The following RASA2 variants were observed in gnomAD, a reference collection of about 807,000 sequenced individuals.
RASA2 encodes the protein ras GTPase-activating protein 2.
In RASA2, 155 loss-of-function variants were observed where a neutral mutation model predicts 118.2. The ratio of observed to expected loss-of-function variants is 1.31; its 90% CI spans 1.15 to 1.50. The LOEUF (loss-of-function observed/expected upper bound fraction) is 1.50. Among genes scored for constraint, RASA2 ranks in the 40% most tolerant of loss-of-function variants. RASA2 has a pLI of 0.00. For missense variants in RASA2, 1,016 were observed against 1,009.6 expected, an observed-to-expected ratio of 1.01 and a Z score of -0.09; for synonymous variants, 353 against 349.1, an observed-to-expected ratio of 1.01 and a Z score of -0.12.
At chr3:141,522,211 GC>G (rs1426491450) in intron 3 of RASA2, among the ~76,000 whole-genome samples, 1 of 152,026 alleles carries the variant, frequency 6.6e-6, no homozygotes, top group Non-Finnish European at 1.5e-5. Context: ...CACAGATTGT[GC>G]TGTTTTTCAG....
chr3:141,544,513 C>G (rs984338897), intron 5 of RASA2, among the ~76,000 whole-genome samples: 9 of 152,108 alleles, frequency 5.9e-5, no homozygotes, highest in Admixed American at 5.2e-4. Flanking sequence ...TTCAAGTTCA[C>G]TGATTCTTTC....
At chr3:141,582,356 G>A (rs752567470) in intron 17 of RASA2, among the ~76,000 whole-genome samples, 2 of 152,130 alleles carry the variant, frequency 1.3e-5, no homozygotes, top group African/African-American at 2.4e-5. Flanking sequence ...CAAAAGAATA[G>A]GCAAAGAAAA....
At chr3:141,497,713 A>C (rs917374264) in intron 1 of RASA2, among the ~76,000 whole-genome samples, 1 of 151,948 alleles carries the variant, frequency 6.6e-6, no homozygotes, top group Non-Finnish European at 1.5e-5. Context: ...GAAAAAAAAA[A>C]AAAAATGCCA....
Position 141,510,797 on chromosome 3 carries a change from G to C in RASA2, c.134-1366G>C, listed in dbSNP as rs140034470. Among the ~76,000 whole-genome samples, 81 of 152,326 alleles carry C rather than the reference G, an allele frequency of 5.3e-4. No individual in the cohort carries two copies. In the East Asian group the frequency reaches 0.015, roughly 28 times the overall value. On this transcript the variant is annotated intron_variant, in intron 1 of 23. Coordinates refer to ENST00000286364, the MANE Select transcript of RASA2 (RefSeq NM_006506.5). Reference sequence around the variant, plus strand: ...AACACTGACCGGGGTTGGGGGAATGGAAGGAGAAGAGATCAGAGAGACCAT... The same window carrying C: ...AACACTGACCGGGGTTGGGGGAATGCAAGGAGAAGAGATCAGAGAGACCAT...
chr3:141,497,410 CTATT>C (rs2081719046), intron 1 of RASA2, among the ~76,000 whole-genome samples: 1 of 151,664 alleles, frequency 6.6e-6, no homozygotes, highest in East Asian at 1.9e-4. Context: ...TCAAAAGTAA[CTATT>C]TATATAAATG....
At chr3:141,558,690 A>G (rs896418357) in intron 7 of RASA2, among the ~76,000 whole-genome samples, 196 bp from the exon 8 acceptor site, 4 of 150,176 alleles carry the variant, frequency 2.7e-5, no homozygotes, top group Non-Finnish European at 5.9e-5. Flanking sequence ...TATTATTTTG[A>G]TTTTTTTTTT....
At chr3:141,539,170 C>G (rs2151101244) in intron 4 of RASA2, among the ~76,000 whole-genome samples, 1 of 152,242 alleles carries the variant, frequency 6.6e-6, no homozygotes, top group Non-Finnish European at 1.5e-5. Context: ...CAAGATCACC[C>G]TTGAATAGTA....
intron 2 of RASA2, 140 bp downstream of exon 2, chr3:141,512,420 A>G (rs958783284): frequency 6.5e-6 from 4 of 613,424 alleles, no homozygotes; most frequent in African/African-American, 4.0e-5. Context: ...CTCAAAATGT[A>G]TCTTCCTCTT....
chr3:141,579,897 A>G (rs981210706), intron 15 of RASA2, among the ~76,000 whole-genome samples: 8 of 151,292 alleles, frequency 5.3e-5, no homozygotes, highest in Non-Finnish European at 1.2e-4. Flanking sequence ...TTCTACTGAA[A>G]ATACAAAAAT....
At chr3:141,557,697 C>T (rs993397268) in intron 7 of RASA2, among the ~76,000 whole-genome samples, 1 of 151,734 alleles carries the variant, frequency 6.6e-6, no homozygotes, top group Non-Finnish European at 1.5e-5. Flanking sequence ...GACTGTTGTA[C>T]TTTAGGTGTA....
intron 19 of RASA2, among the ~76,000 whole-genome samples, chr3:141,605,952 G>A (rs1470685736): frequency 6.6e-6 from 1 of 152,078 alleles, no homozygotes; most frequent in African/African-American, 2.4e-5. Flanking sequence ...CTGTGACATT[G>A]CACTGCTCTG....
intron 19 of RASA2, among the ~76,000 whole-genome samples, chr3:141,603,365 G>A (rs1164045746): frequency 6.6e-6 from 1 of 152,044 alleles, no homozygotes; most frequent in Non-Finnish European, 1.5e-5. Context: ...GAGGTCAGGA[G>A]TTCGAGACCA....
chr3:141,602,353 T>TG (rs2083477589), intron 19 of RASA2, among the ~76,000 whole-genome samples: 1 of 152,150 alleles, frequency 6.6e-6, no homozygotes, highest in Admixed American at 6.5e-5. Flanking sequence ...TCATAAGGAG[T>TG]GCACAACCTA....
At chr3:141,539,498 G>T (rs1043379625) in intron 4 of RASA2, among the ~76,000 whole-genome samples, 2 of 152,110 alleles carry the variant, frequency 1.3e-5, no homozygotes, top group African/African-American at 4.8e-5. Context: ...GGTGTTTCAG[G>T]TTAGGTTTCT....
chr3:141,528,947 C>T (rs986846268), intron 3 of RASA2, among the ~76,000 whole-genome samples: 1 of 151,810 alleles, frequency 6.6e-6, no homozygotes, highest in Non-Finnish European at 1.5e-5. Flanking sequence ...AATCATTAGT[C>T]TTATGCAAAA....
rs779165383 is a variant in RASA2 at position 141,487,208 on chromosome 3, G to A, written c.125G>A (p.Gly42Asp). The part of the protein sequence containing the change: ...REVRVLQSLR[G>D]KICEAKNLLP... ...GTTCGAGTGTTGCAGAGCCTGCGGG[G>A]CAAGATCTGTAAGCGGGGGCTGGGC... The change falls in exon 1 of 24, where the codon GGC becomes GAC. Residue 42 changes from glycine (G) to aspartate (D), a missense_variant. Gly to Asp is a moderately conservative substitution (Grantham distance 94, BLOSUM62 -1). This residue lies in a region of RASA2 where 896 missense variants were observed against 836.4 expected (regional missense o/e 1.07). Coordinates refer to ENST00000286364, the MANE Select transcript of RASA2 (RefSeq NM_006506.5). 1.4e-6 allele frequency: 2 copies of A among 1,435,652 alleles called. No individual in the cohort carries two copies. The highest frequency in any genetic ancestry group is 1.8e-6 in the Non-Finnish European group (2 of 1,082,662). 88.9% of individuals were successfully genotyped at this position (1,435,652 alleles called of 1,614,324 possible). A position where few individuals can be genotyped will look rare whatever the true frequency, so the allele number is the denominator to read the frequency against.
rs1370425710 is a variant in RASA2 at position 141,571,389 on chromosome 3, T to C, written c.1021-17T>C. 1 of 1,606,224 alleles carries C rather than the reference T, an allele frequency of 6.2e-7. No homozygotes were observed. Among genetic ancestry groups the C allele is most frequent in the Non-Finnish European group, 8.5e-7 (1 of 1,177,042 alleles). On this transcript the variant is annotated splice_polypyrimidine_tract_variant and intron_variant, in intron 10 of 23. Coordinates refer to ENST00000286364, the MANE Select transcript of RASA2 (RefSeq NM_006506.5). ...TTCCTTGATGTTTGTGCTTGTTTTC[T>C]ACCTTTCTGTATTTAGCCAATATCT... is the stretch of plus-strand genomic sequence containing the variant.
At chr3:141,573,634 G>A (rs1438975304) in intron 13 of RASA2, among the ~76,000 whole-genome samples, 3 of 152,194 alleles carry the variant, frequency 2.0e-5, no homozygotes, top group African/African-American at 7.2e-5. Context: ...GTGTCACAAT[G>A]TCCTTGTGCT....
intron 1 of RASA2, among the ~76,000 whole-genome samples, chr3:141,496,431 C>T (rs9838230): frequency 0.25 from 37,593 of 151,924 alleles, 5,297 homozygotes; most frequent in Non-Finnish European, 0.32. Context: ...TGACAAAGGG[C>T]TAATATCCAG....
Sources: allele counts gnomAD v4.1 joint callset (sites outside exome capture counted in the v4.1 genomes callset), GRCh38; gene constraint gnomAD v4.1.1; regional missense constraint gnomAD v4.1.1; transcripts MANE v1.5; gene names NCBI Gene and HGNC (gene_info 2026-07-23, HGNC 2026-07-21).